MRTFB: variants seen among roughly 807,000 people sequenced by gnomAD.
MRTFB encodes the protein myocardin-related transcription factor B.
In MRTFB, 29 loss-of-function variants were observed where a neutral mutation model predicts 104.2. The ratio of observed to expected loss-of-function variants is 0.28; its 90% CI spans 0.21 to 0.38. The LOEUF is 0.38. MRTFB is among the 10% of genes least tolerant of loss of function. MRTFB has a pLI of 1.00. For synonymous variants in MRTFB, 535 were observed against 519.5 expected, an observed-to-expected ratio of 1.03 and a Z score of -0.41; for missense variants, 1,270 against 1,341.6, an observed-to-expected ratio of 0.95 and a Z score of 0.83.
the MRTFB span, among the ~76,000 whole-genome samples, chr16:14,052,823 ATTCAT>A: frequency 6.6e-6 from 1 of 152,028 alleles, no homozygotes; most frequent in African/African-American, 2.4e-5. Context: ...AAACACTTGA[ATTCAT>A]TCTTTCTATC....
chr16:14,254,292 A>T (rs573278862), intron 15 of MRTFB, among the ~76,000 whole-genome samples: 1 of 152,358 alleles, frequency 6.6e-6, no homozygotes, highest in African/African-American at 2.4e-5. Context: ...ATAGCTATTA[A>T]TGTGGGTCAT....
chr16:14,023,608 C>CAT, the MRTFB span, among the ~76,000 whole-genome samples: 74 of 70,146 alleles, frequency 1.1e-3, no homozygotes, highest in Admixed American at 5.8e-3. Context: ...CACACACACA[C>CAT]ACATACATAT....
the MRTFB span, among the ~76,000 whole-genome samples, chr16:14,003,535 C>G: frequency 2.0e-5 from 3 of 152,326 alleles, no homozygotes; most frequent in Admixed American, 2.0e-4. Flanking sequence ...CGTCTCCCAG[C>G]CTGCTCTGCA....
chr16:14,139,068 T>G (rs1350424118), intron 2 of MRTFB, among the ~76,000 whole-genome samples: 1 of 152,128 alleles, frequency 6.6e-6, no homozygotes, highest in Non-Finnish European at 1.5e-5. Flanking sequence ...GAAAAAAAAT[T>G]GATCATTAGT....
chr16:14,052,738 T>TGA, the MRTFB span, among the ~76,000 whole-genome samples: 1 of 115,874 alleles, frequency 8.6e-6, no homozygotes, highest in Non-Finnish European at 1.8e-5. Flanking sequence ...AAACTCCATC[T>TGA]CAAAAAAAAA....
At chr16:14,182,238 C>T (rs2039794760) in intron 3 of MRTFB, among the ~76,000 whole-genome samples, 2 of 152,210 alleles carry the variant, frequency 1.3e-5, no homozygotes, top group Middle Eastern at 3.4e-3. Context: ...GCAGCTGCCC[C>T]GTGGGAGAGG....
the MRTFB span, among the ~76,000 whole-genome samples, chr16:14,044,216 C>A: frequency 6.6e-6 from 1 of 152,148 alleles, no homozygotes; most frequent in Admixed American, 6.6e-5. Flanking sequence ...ATGATCCTCA[C>A]CTAGGTTCTC....
At chr16:14,006,553 C>G in the MRTFB span, among the ~76,000 whole-genome samples, 2 of 151,524 alleles carry the variant, frequency 1.3e-5, no homozygotes, top group Non-Finnish European at 2.9e-5. Context: ...GTTGAAGCAG[C>G]CTGTGTCTCT....
chr16:14,171,489 ACT>A lies in MRTFB; in HGVS notation c.154+30732_154+30733del, dbSNP rs1404229932. 6.9e-5 allele frequency among the ~76,000 whole-genome samples: 10 copies of A among 145,848 alleles called. No homozygotes were observed. The East Asian group carries it at 2.0e-3, about 29-fold the overall frequency. On this transcript the variant is annotated intron_variant, in intron 3 of 16. Transcript: ENST00000571589. ...ATTCCAGCCTGGGCGACAGAGTGAG[ACT>A]CTGTCTCGAAAAAAAAAAAAATACA... is the stretch of plus-strand genomic sequence containing the variant.
At chr16:14,192,733 G>A (rs2040242358) in intron 3 of MRTFB, among the ~76,000 whole-genome samples, 1 of 152,138 alleles carries the variant, frequency 6.6e-6, no homozygotes, top group Non-Finnish European at 1.5e-5. Flanking sequence ...ACTGGGGGCT[G>A]GGCCTCTCTT....
At chr16:14,168,388 C>T (rs776635312) in intron 3 of MRTFB, among the ~76,000 whole-genome samples, 3 of 152,138 alleles carry the variant, frequency 2.0e-5, no homozygotes, top group South Asian at 4.1e-4. Context: ...TCTGCTCTTT[C>T]GCAATCATTT....
At chr16:14,000,832 G>A in the MRTFB span, among the ~76,000 whole-genome samples, 1 of 152,230 alleles carries the variant, frequency 6.6e-6, no homozygotes, top group Non-Finnish European at 1.5e-5. Flanking sequence ...AGGGTGGCTG[G>A]GACGACACAG....
chr16:14,191,315 A>C (rs1314526167), intron 3 of MRTFB, among the ~76,000 whole-genome samples: 2 of 152,306 alleles, frequency 1.3e-5, no homozygotes, highest in South Asian at 2.1e-4. Context: ...GGACAACGCT[A>C]CTCAGTGCTT....
the MRTFB span, among the ~76,000 whole-genome samples, chr16:14,047,312 T>C: frequency 6.6e-6 from 1 of 152,118 alleles, no homozygotes; most frequent in Non-Finnish European, 1.5e-5. Flanking sequence ...CTTATGGTCA[T>C]AGGATAGCTG....
At chr16:14,116,249 T>G (rs1323033182) in intron 2 of MRTFB, among the ~76,000 whole-genome samples, 1 of 152,148 alleles carries the variant, frequency 6.6e-6, no homozygotes, top group African/African-American at 2.4e-5. Context: ...AATAGCTTCT[T>G]TATCCTGCCT....
At chr16:14,099,824 CG>C (rs1193100191) in intron 2 of MRTFB, among the ~76,000 whole-genome samples, 1 of 152,006 alleles carries the variant, frequency 6.6e-6, no homozygotes, top group Non-Finnish European at 1.5e-5. Flanking sequence ...CACACCACCA[CG>C]CCCAGCTAAT....
chr16:14,163,776 T>C (rs1002699030), intron 3 of MRTFB, among the ~76,000 whole-genome samples: 1 of 150,402 alleles, frequency 6.6e-6, no homozygotes, highest in Non-Finnish European at 1.5e-5. Context: ...GAGGTTGCAG[T>C]GAGCTGAGAT....
At chr16:14,081,930 T>C (rs961671257) in intron 2 of MRTFB, among the ~76,000 whole-genome samples, 3 of 152,204 alleles carry the variant, frequency 2.0e-5, no homozygotes, top group African/African-American at 7.2e-5. Flanking sequence ...TTCTTACATA[T>C]TTTGGATGTT....
the MRTFB span, among the ~76,000 whole-genome samples, chr16:14,058,846 G>A: frequency 1.3e-5 from 2 of 150,706 alleles, no homozygotes; most frequent in Non-Finnish European, 2.9e-5. Context: ...AGCCTCCCGA[G>A]TAGCTGGGAT....
Sources: allele counts gnomAD v4.1 joint callset (sites outside exome capture counted in the v4.1 genomes callset), GRCh38; gene constraint gnomAD v4.1.1; transcripts MANE v1.5; gene names NCBI Gene and HGNC (gene_info 2026-07-23, HGNC 2026-07-21).